CACNA2D3: variants seen among roughly 807,000 people sequenced by gnomAD.
CACNA2D3 encodes calcium voltage-gated channel auxiliary subunit alpha2delta 3.
CACNA2D3 carries 60 observed loss-of-function variants against 160.6 expected under a neutral mutation model. That is an observed-to-expected ratio of 0.37 (90% confidence interval 0.30 to 0.46). CACNA2D3 has a LOEUF of 0.46. Among genes scored for constraint, CACNA2D3 ranks in the 20% least tolerant of loss-of-function variants. The probability of loss-of-function intolerance (pLI) is 1.00; values close to 1 mark genes in which losing one functional copy is unlikely to be tolerated. For synonymous variants in CACNA2D3, 558 were observed against 492.9 expected (o/e 1.13, Z -1.75); for missense variants, 1,205 against 1,365.0 (o/e 0.88, Z 1.85).
At chr3:54,953,554 C>T (rs137931744) in intron 27 of CACNA2D3, among the ~76,000 whole-genome samples, 1 of 152,210 alleles carries the variant, frequency 6.6e-6, no homozygotes, top group Non-Finnish European at 1.5e-5. Flanking sequence ...AACAAGGCCT[C>T]AGGAGACCTT....
chr3:55,070,740 A>G (rs17256891), intron 35 of CACNA2D3, among the ~76,000 whole-genome samples: 1,791 of 152,352 alleles, frequency 0.012, 20 homozygotes, highest in Middle Eastern at 0.02. Flanking sequence ...CTAAGGTTCT[A>G]CCGCACAAAT....
intron 6 of CACNA2D3, among the ~76,000 whole-genome samples, chr3:54,569,154 A>G (rs1702454053): frequency 6.6e-6 from 1 of 152,200 alleles, no homozygotes; most frequent in Non-Finnish European, 1.5e-5. Context: ...TGCAAACCAC[A>G]AGACTAAGGA....
intron 35 of CACNA2D3, among the ~76,000 whole-genome samples, chr3:55,028,999 T>C (rs2107173773): frequency 6.6e-6 from 1 of 152,284 alleles, no homozygotes; most frequent in East Asian, 1.9e-4. Flanking sequence ...TGGGCTACAG[T>C]TCAGAAAACC....
chr3:54,731,540 C>T (rs1701386448), intron 11 of CACNA2D3, among the ~76,000 whole-genome samples: 1 of 152,176 alleles, frequency 6.6e-6, no homozygotes, highest in Non-Finnish European at 1.5e-5. Flanking sequence ...CAAGGTCACA[C>T]TGTGTGCTGA....
chr3:54,877,375 T>G lies in CACNA2D3; in HGVS notation c.1711-1643T>G, dbSNP rs550421765. On this transcript the variant is annotated intron_variant, in intron 18 of 37. Coordinates refer to ENST00000474759, the MANE Select transcript of CACNA2D3 (RefSeq NM_018398.3). ...GATACAGATACTGTTGACTGTGGTG[T>G]TGATGATGATGGAGGATAGCTAGCA... Among the ~76,000 whole-genome samples the G allele has an allele frequency of 2.0e-5, 3 of 152,276 alleles. No homozygotes were observed. The South Asian group carries it at 6.2e-4, about 32-fold the overall frequency.
At chr3:54,758,442 C>T (rs1211750414) in intron 12 of CACNA2D3, among the ~76,000 whole-genome samples, 7 of 152,062 alleles carry the variant, frequency 4.6e-5, no homozygotes, top group Admixed American at 4.6e-4. Context: ...CCATTCTCTC[C>T]AACACCATGA....
At chr3:54,492,095 G>A (rs1214260858) in intron 4 of CACNA2D3, among the ~76,000 whole-genome samples, 1 of 152,174 alleles carries the variant, frequency 6.6e-6, no homozygotes, top group African/African-American at 2.4e-5. Context: ...TTAGGCCAGA[G>A]CTGCTGGATT....
intron 27 of CACNA2D3, among the ~76,000 whole-genome samples, chr3:54,953,275 A>G (rs544553648): frequency 1.3e-5 from 2 of 152,352 alleles, no homozygotes; most frequent in South Asian, 4.1e-4. Flanking sequence ...GGCATGCTGC[A>G]TGTACATGAA....
chr3:54,841,673 G>C (rs895597596), intron 16 of CACNA2D3, among the ~76,000 whole-genome samples: 4 of 152,130 alleles, frequency 2.6e-5, no homozygotes, highest in African/African-American at 9.7e-5. Flanking sequence ...TTCTCCCTTA[G>C]CTTCATAGAT....
intron 37 of CACNA2D3, 121 bp from the exon 38 acceptor site, chr3:55,073,993 A>G (rs1704884162): frequency 2.8e-6 from 3 of 1,077,522 alleles, no homozygotes; most frequent in Non-Finnish European, 4.2e-6. Context: ...CTGAATCTGC[A>G]CCATCATCTA....
chr3:54,558,742 G>C (rs1023004901), intron 5 of CACNA2D3, among the ~76,000 whole-genome samples: 11 of 152,180 alleles, frequency 7.2e-5, no homozygotes, highest in African/African-American at 2.4e-4. Flanking sequence ...CTGCAAAGGA[G>C]ATAATCTCAT....
chr3:54,747,250 T>G (rs951551732), intron 11 of CACNA2D3, among the ~76,000 whole-genome samples: 1 of 152,100 alleles, frequency 6.6e-6, no homozygotes, highest in Admixed American at 6.6e-5. Flanking sequence ...GGGTGGGTGC[T>G]ATGACTCCAC....
intron 5 of CACNA2D3, among the ~76,000 whole-genome samples, chr3:54,519,191 C>G (rs1247672667): frequency 3.0e-5 from 2 of 67,322 alleles, no homozygotes; most frequent in Non-Finnish European, 5.9e-5. Context: ...CCAGCCATTT[C>G]ACACTCGTGG....
chr3:54,569,442 C>T (rs1196172430), intron 6 of CACNA2D3, among the ~76,000 whole-genome samples: 2 of 152,006 alleles, frequency 1.3e-5, no homozygotes, highest in Non-Finnish European at 2.9e-5. Flanking sequence ...ATGGATGATC[C>T]CCCCAGGTGC....
intron 30 of CACNA2D3, among the ~76,000 whole-genome samples, chr3:54,986,625 G>C (rs1474916473): frequency 1.3e-5 from 2 of 152,152 alleles, no homozygotes; most frequent in African/African-American, 2.4e-5. Flanking sequence ...AAAACTCCCA[G>C]GAGTGTGGTT....
At chr3:54,905,676 A>C (rs9839518) in intron 27 of CACNA2D3, among the ~76,000 whole-genome samples, 2 of 152,090 alleles carry the variant, frequency 1.3e-5, no homozygotes, top group Non-Finnish European at 1.5e-5. Flanking sequence ...GATTGGCACT[A>C]CTGGTTAGGA....
chr3:54,920,260 A>G (rs1108634), intron 27 of CACNA2D3, among the ~76,000 whole-genome samples: 17,165 of 152,280 alleles, frequency 0.11, 982 homozygotes, highest in Middle Eastern at 0.15. Flanking sequence ...TAAGCTTACT[A>G]CAAGATAAGT....
chr3:54,888,679 G>A (rs1250672052), intron 24 of CACNA2D3, among the ~76,000 whole-genome samples: 1 of 151,826 alleles, frequency 6.6e-6, no homozygotes, highest in African/African-American at 2.4e-5. Context: ...CCACTTTTCT[G>A]TTCTTCCTTA....
At chr3:54,706,271 G>T (rs1016284854) in intron 11 of CACNA2D3, among the ~76,000 whole-genome samples, 3 of 152,110 alleles carry the variant, frequency 2.0e-5, no homozygotes, top group African/African-American at 7.2e-5. Context: ...TCTCTTCTGG[G>T]GATCAACATT....
Sources: allele counts gnomAD v4.1 joint callset (sites outside exome capture counted in the v4.1 genomes callset), GRCh38; gene constraint gnomAD v4.1.1; transcripts MANE v1.5; gene names NCBI Gene and HGNC (gene_info 2026-07-23, HGNC 2026-07-21).